The following GRIP2 variants were observed in gnomAD, a reference collection of about 807,000 sequenced individuals.
The protein encoded by GRIP2 is glutamate receptor-interacting protein 2.
Under a neutral mutation model 108.3 loss-of-function variants are expected in GRIP2, and 58 were observed. That is an observed-to-expected ratio of 0.54 (90% CI 0.43 to 0.67). The LOEUF is 0.67. Ranked by LOEUF, GRIP2 falls within the 30% of genes least tolerant of loss-of-function variation. The pLI is 0.00. For missense variants in GRIP2, 1,278 were observed against 1,430.6 expected, an observed-to-expected ratio of 0.89 and a Z score of 1.72; for synonymous variants, 586 against 598.2, an observed-to-expected ratio of 0.98 and a Z score of 0.30.
rs1309678646 is a variant in GRIP2 at position 14,521,589 on chromosome 3, C to T, written c.712+53G>A. The T allele has an allele frequency of 6.5e-7, 1 of 1,531,750 alleles. No homozygotes were observed. Among genetic ancestry groups the T allele is most frequent in the East Asian group, 2.4e-5 (1 of 42,210 alleles). The allele number at this position is 1,531,750 out of a possible 1,614,324, so 94.9% of individuals were successfully genotyped here. ...AGATCCATGGCCACTGCCACCTCCCCCCATCCCAGGCCTCCTCCTGCCCCA... is the reference window on the plus strand; with the variant it reads ...AGATCCATGGCCACTGCCACCTCCCTCCATCCCAGGCCTCCTCCTGCCCCA... On this transcript the variant is annotated intron_variant, in intron 7 of 23. Transcript: ENST00000621039. This position sits in a 1 kb window ranked among gnomAD's most constrained non-coding sequence, Gnocchi z 5.1.
intron 1 of GRIP2, among the ~76,000 whole-genome samples, chr3:14,527,704 ACAGAGG>A (rs11277201): frequency 0.39 from 59,472 of 151,592 alleles, 12,728 homozygotes; most frequent in South Asian, 0.6. Flanking sequence ...AATCTGGCCA[ACAGAGG>A]CATGGCAAAA....
At chr3:14,578,203 G>C in the GRIP2 span, among the ~76,000 whole-genome samples, 2 of 152,202 alleles carry the variant, frequency 1.3e-5, no homozygotes, top group Non-Finnish European at 2.9e-5. Context: ...AGCTTGTCTT[G>C]TGTTTCCTGC....
chr3:14,527,994 C>T (rs1694610062), intron 1 of GRIP2, among the ~76,000 whole-genome samples: 1 of 152,198 alleles, frequency 6.6e-6, no homozygotes, highest in South Asian at 2.1e-4. Context: ...CTCCTGACCA[C>T]CACCACGACC....
In GRIP2 at chr3:14,521,688, G is replaced by A; in HGVS notation, c.666C>T (p.Cys222=). 2 of 1,611,618 alleles carry A rather than the reference G, an allele frequency of 1.2e-6. No individual in the cohort carries two copies. The highest frequency in any genetic ancestry group is 1.7e-6 in the Non-Finnish European group (2 of 1,179,132). ...CCACCTGAAAGAGTGCCTCGTGGCT[G>A]CACTGCCGCAGGGTGGCCAGGGCGG... The part of the protein sequence containing the change: ...HATALATLRQ[C]SHEALFQVEY... Residue 222 remains cysteine, a synonymous_variant, in exon 7 of 24, where the codon TGC becomes TGT. Coordinates refer to ENST00000621039, the MANE Select transcript of GRIP2 (RefSeq NM_001080423.4). The surrounding 1 kb of genome is among the most constrained non-coding windows in gnomAD (Gnocchi z 5.1).
At chr3:14,520,312 G>A in intron 8 of GRIP2, 33 bp from the exon 9 acceptor site, 1 of 1,611,716 alleles carries the variant, frequency 6.2e-7, no homozygotes, top group East Asian at 2.2e-5. Flanking sequence ...GCGGAGGCTG[G>A]TCCAGGCCAG....
chr3:14,496,552 G>A lies in GRIP2; in HGVS notation c.2688C>T (p.Ile896=), dbSNP rs753462806. Residue 896 remains isoleucine, a synonymous_variant, in exon 22 of 24, where the codon ATC becomes ATT. Coordinates refer to ENST00000621039, the MANE Select transcript of GRIP2 (RefSeq NM_001080423.4). ...CCACCCTCTGCACGGTGCCCGTCATGATGGATGCCTGCAAGGAACACGGCC... is the reference window on the plus strand; with the variant it reads ...CCACCCTCTGCACGGTGCCCGTCATAATGGATGCCTGCAAGGAACACGGCC... ...SELLRELEAS[I]MTGTVQRVAL... The A allele has an allele frequency of 6.3e-6, 10 of 1,585,690 alleles. No individual in the cohort carries two copies. The South Asian group carries it at 1.0e-4, about 16-fold the overall frequency.
At chr3:14,537,638 C>G (rs979826655) in intron 1 of GRIP2, among the ~76,000 whole-genome samples, 1 of 152,236 alleles carries the variant, frequency 6.6e-6, no homozygotes, top group Non-Finnish European at 1.5e-5. Context: ...CAAACTCAGG[C>G]GAAGGATCCC....
intron 22 of GRIP2, 28 bp downstream of exon 22, chr3:14,496,389 G>A (rs1298279144): frequency 1.9e-6 from 3 of 1,576,636 alleles, no homozygotes; most frequent in Admixed American, 1.7e-5. Context: ...ACAGGTCCAG[G>A]TCTCCTGTGC....
At chr3:14,518,216 G>A (rs1472518493) in intron 9 of GRIP2, among the ~76,000 whole-genome samples, 2 of 152,242 alleles carry the variant, frequency 1.3e-5, no homozygotes, top group African/African-American at 4.8e-5. Context: ...CTATGGCTAT[G>A]AGTGCTGCCA....
chr3:14,569,686 AC>A, the GRIP2 span, among the ~76,000 whole-genome samples: 2 of 151,708 alleles, frequency 1.3e-5, no homozygotes, highest in Admixed American at 6.6e-5. Flanking sequence ...TTCCTCCACC[AC>A]CCCCCTCTTG....
the GRIP2 span, chr3:14,574,400 C>T: frequency 5.1e-5 from 40 of 792,034 alleles, no homozygotes; most frequent in African/African-American, 6.1e-4. Flanking sequence ...CCTGTCGGAG[C>T]CGCACCTTGG....
chr3:14,536,440 C>T (rs1694835631), intron 1 of GRIP2, among the ~76,000 whole-genome samples: 1 of 152,148 alleles, frequency 6.6e-6, no homozygotes, highest in Admixed American at 6.5e-5. Context: ...GGCAACAGAC[C>T]CCAAATGAGA....
chr3:14,592,795 C>A, the GRIP2 span, among the ~76,000 whole-genome samples: 1 of 152,132 alleles, frequency 6.6e-6, no homozygotes, highest in Non-Finnish European at 1.5e-5. Context: ...GGAATTCTGG[C>A]CCCAAAACCC....
At chr3:14,554,278 T>G (rs560284653) in intron 1 of GRIP2, among the ~76,000 whole-genome samples, 11 of 152,298 alleles carry the variant, frequency 7.2e-5, no homozygotes, top group African/African-American at 2.4e-4. Flanking sequence ...AAGCATTTCC[T>G]GCATCTCCAA....
At chr3:14,582,060 G>C in the GRIP2 span, among the ~76,000 whole-genome samples, 2 of 152,176 alleles carry the variant, frequency 1.3e-5, no homozygotes, top group East Asian at 3.9e-4. Flanking sequence ...TACTGGTCAG[G>C]AGCATGACGT....
rs1057060151 is a variant in GRIP2, at chr3:14,511,549, G to T, written c.1721-70C>A. 6.9e-7 allele frequency: 1 copy of T among 1,455,122 alleles called. No homozygotes were observed. Among genetic ancestry groups the T allele is most frequent in the Non-Finnish European group, 9.6e-7 (1 of 1,045,588 alleles). The allele number at this position is 1,455,122 out of a possible 1,614,324, so 90.1% of individuals were successfully genotyped here. On this transcript the variant is annotated intron_variant, in intron 14 of 23. Transcript: ENST00000621039. The surrounding 1 kb of genome is among the most constrained non-coding windows in gnomAD (Gnocchi z 4.1). ...TGGGGTGGGGTGGCGAAGCCCAGGG[G>T]TCTGAGTGTGGACTCGGAGCCACTG...
At chr3:14,503,719 C>A in intron 20 of GRIP2, 48 bp from the exon 21 acceptor site, 2 of 77,286 alleles carry the variant, frequency 2.6e-5, no homozygotes, top group East Asian at 4.1e-4. Context: ...GGCGGGTGGG[C>A]GGGCTGGGGC....
the GRIP2 span, chr3:14,572,928 T>G: frequency 7.3e-7 from 1 of 1,374,910 alleles, no homozygotes; most frequent in South Asian, 1.2e-5. Flanking sequence ...CTCACACCAC[T>G]CACGGCAGAC....
At chr3:14,501,356 T>C (rs1385590121) in intron 21 of GRIP2, among the ~76,000 whole-genome samples, 5 of 152,360 alleles carry the variant, frequency 3.3e-5, no homozygotes, top group South Asian at 2.1e-4. Context: ...AAATTTTATA[T>C]ATGAATTTTA....
Sources: gnomAD v4.1 joint callset for allele counts (sites outside exome capture counted in the v4.1 genomes callset) on GRCh38, gnomAD v4.1.1 for gene constraint, Gnocchi (gnomAD v3.1) non-coding constraint, MANE v1.5 for transcripts, NCBI Gene and HGNC (gene_info 2026-07-23, HGNC 2026-07-21) for gene names.